SPATA1: variants seen among roughly 807,000 people sequenced by gnomAD.
SPATA1 encodes spermatogenesis associated 1.
In SPATA1, 57 loss-of-function variants were observed where a neutral mutation model predicts 59.6. That is an observed-to-expected ratio of 0.96 (90% CI 0.77 to 1.19). SPATA1 has a LOEUF of 1.19. SPATA1 is among the 50% of genes most tolerant of loss of function. The probability of loss-of-function intolerance (pLI) is 0.00; values close to 1 mark genes in which losing one functional copy is unlikely to be tolerated. For missense variants in SPATA1, 448 were observed against 480.7 expected (o/e 0.93, Z 0.64); for synonymous variants, 147 against 163.9 (o/e 0.90, Z 0.79).
downstream of SPATA1, among the ~76,000 whole-genome samples, chr1:84,566,673 C>T (rs979910067): frequency 1.3e-5 from 2 of 152,180 alleles, no homozygotes; most frequent in African/African-American, 2.4e-5. Context: ...TGCTCTGTCA[C>T]CCAGGGTGGA....
intron 6 of SPATA1, among the ~76,000 whole-genome samples, chr1:84,531,569 T>C (rs760546642): frequency 1.5e-5 from 2 of 134,840 alleles, no homozygotes; most frequent in Non-Finnish European, 3.1e-5. Flanking sequence ...GTTTGGCAAG[T>C]CTTTTTTTTT....
chr1:84,548,019 A>G (rs1684145493), intron 10 of SPATA1, among the ~76,000 whole-genome samples: 1 of 152,206 alleles, frequency 6.6e-6, no homozygotes, highest in Admixed American at 6.6e-5. Context: ...GTAGCATTGA[A>G]GAAGGTGGAA....
intron 4 of SPATA1, among the ~76,000 whole-genome samples, chr1:84,524,085 G>A (rs1187801559): frequency 4.6e-5 from 7 of 151,494 alleles, no homozygotes; most frequent in Admixed American, 4.6e-4. Context: ...CAAAAGAAAA[G>A]GAGATTACTT....
At chr1:84,508,921 CA>C (rs1164925465) in intron 1 of SPATA1, among the ~76,000 whole-genome samples, 3 of 151,378 alleles carry the variant, frequency 2.0e-5, no homozygotes, top group East Asian at 3.9e-4. Context: ...GAAGAGGACA[CA>C]AAAAAAATGG....
chr1:84,562,291 T>G (rs1684609868), intron 4 of SPATA1, among the ~76,000 whole-genome samples: 1 of 152,218 alleles, frequency 6.6e-6, no homozygotes, highest in South Asian at 2.1e-4. Context: ...CAGGACAGAC[T>G]AATATAAACA....
At chr1:84,556,527 A>G (rs1035758897), downstream of SPATA1, among the ~76,000 whole-genome samples, 5 of 144,442 alleles carry the variant, frequency 3.5e-5, no homozygotes, top group Admixed American at 6.9e-5. Context: ...CCTAGCCAAC[A>G]TGGTGAAACC....
At chr1:84,552,220 C>G (rs972592685) in intron 12 of SPATA1, 3 of 152,106 alleles carry the variant, frequency 2.0e-5, no homozygotes, top group African/African-American at 7.2e-5. Context: ...TCTCTTGCAA[C>G]CATATTTATT....
intron 1 of SPATA1, among the ~76,000 whole-genome samples, chr1:84,507,855 G>GA (rs34765124): frequency 0.6 from 90,407 of 149,670 alleles, 27,207 homozygotes; most frequent in East Asian, 0.8. Context: ...AACAGTTTCA[G>GA]AAAAAAAAAA....
chr1:84,566,057 G>T, exon 5 of SPATA1: 5 of 1,214,560 alleles, frequency 4.1e-6, no homozygotes, highest in Non-Finnish European at 5.5e-6. Flanking sequence ...GATCACGTGT[G>T]CATATTACGT....
chr1:84,537,692 T>C (rs936709097), intron 8 of SPATA1, among the ~76,000 whole-genome samples: 1 of 152,214 alleles, frequency 6.6e-6, no homozygotes, highest in East Asian at 1.9e-4. Flanking sequence ...GAGGTACCCA[T>C]ACTTTTCAGG....
At chr1:84,552,980 G>A in intron 12 of SPATA1, 1 of 1,149,468 alleles carries the variant, frequency 8.7e-7, no homozygotes, top group Non-Finnish European at 1.2e-6. Context: ...CAACTATGAT[G>A]TACTTTTAGA....
At chr1:84,528,822 C>T (rs1296015269) in intron 6 of SPATA1, among the ~76,000 whole-genome samples, 1 of 152,146 alleles carries the variant, frequency 6.6e-6, no homozygotes, top group Non-Finnish European at 1.5e-5. Context: ...CTAGAAGTTC[C>T]TGTTGAACCA....
rs144642070 is a variant in SPATA1, at chr1:84,516,679, C to T, written c.36+284C>T. 1.1e-4 allele frequency among the ~76,000 whole-genome samples: 17 copies of T among 152,256 alleles called. No homozygotes were observed. The East Asian group carries it at 3.1e-3, about 28-fold the overall frequency. ...TACCCTCCATATCTAGCTTAAGTTCCATAGAGCAGTCATGATCACTCCTTT... is the reference window on the plus strand; with the variant it reads ...TACCCTCCATATCTAGCTTAAGTTCTATAGAGCAGTCATGATCACTCCTTT... On this transcript the variant is annotated intron_variant, in intron 2 of 12. Coordinates refer to ENST00000490879, the Ensembl canonical transcript of SPATA1.
At chr1:84,526,181 T>C (rs540711321) in intron 6 of SPATA1, 108 bp downstream of exon 6, 1 of 876,964 alleles carries the variant, frequency 1.1e-6, no homozygotes, top group South Asian at 2.3e-5. Context: ...ATATAGGCAG[T>C]TTAAAAAGAA....
chr1:84,553,179 G>A, exon 13 of SPATA1: 2 of 1,025,612 alleles, frequency 2.0e-6, no homozygotes, highest in Non-Finnish European at 2.8e-6. Context: ...TATTTGAACA[G>A]ATTTGTTTAA....
chr1:84,519,663 T>A (rs184503850), intron 2 of SPATA1, among the ~76,000 whole-genome samples: 33 of 152,232 alleles, frequency 2.2e-4, no homozygotes, highest in South Asian at 1.7e-3. Flanking sequence ...TATACAGACA[T>A]TTTAAATTGT....
At chr1:84,561,374 T>C (rs1034302464) in intron 4 of SPATA1, among the ~76,000 whole-genome samples, 1 of 152,254 alleles carries the variant, frequency 6.6e-6, no homozygotes, top group Non-Finnish European at 1.5e-5. Context: ...GTGATAAAAT[T>C]TGAATAGATG....
At chr1:84,539,524 A>G (rs201241751) in intron 8 of SPATA1, among the ~76,000 whole-genome samples, 2 of 152,298 alleles carry the variant, frequency 1.3e-5, no homozygotes, top group East Asian at 3.9e-4. Context: ...TGGATGCTCA[A>G]TGCTATTTAA....
At chr1:84,557,533 C>CAAAAAAAAAAAAAAAAAAAAAAAAAAAAA (rs56101174), downstream of SPATA1, among the ~76,000 whole-genome samples, 1 of 55,438 alleles carries the variant, frequency 1.8e-5, no homozygotes, top group African/African-American at 5.9e-5. Context: ...AACTCCATCT[C>CAAAAAAAAAAAAAAAAAAAAAAAAAAAAA]AAAAAAAAAA....
Sources: allele counts gnomAD v4.1 joint callset (sites outside exome capture counted in the v4.1 genomes callset), GRCh38; gene constraint gnomAD v4.1.1; transcripts MANE v1.5; gene names NCBI Gene and HGNC (gene_info 2026-07-23, HGNC 2026-07-21).